Variants in BTN2A1 observed in about 807,000 individuals in gnomAD.
BTN2A1 encodes the protein butyrophilin subfamily 2 member A1.
BTN2A1 carries 41 observed loss-of-function variants against 34.5 expected under a neutral mutation model. The ratio of observed to expected loss-of-function variants is 1.19; its 90% CI spans 0.93 to 1.54. BTN2A1 has a LOEUF of 1.54. Ranked by LOEUF, BTN2A1 falls within the 40% of genes most tolerant of loss-of-function variation. The pLI, the probability that BTN2A1 is intolerant of heterozygous loss-of-function variation, is 0.00. For missense variants in BTN2A1, 642 were observed against 662.0 expected (o/e 0.97, Z 0.33); for synonymous variants, 267 against 258.6 (o/e 1.03, Z -0.31).
Position 26,468,283 on chromosome 6 carries a change from A to G in BTN2A1, c.1318A>G (p.Ile440Val). 6.2e-7 allele frequency: 1 copy of G among 1,614,080 alleles called. No homozygotes were observed. Residue 440 changes from isoleucine to valine, a missense_variant, in exon 8 of 8, where the codon ATT becomes GTT. Physicochemically the swap from Ile to Val is conservative, Grantham distance 29. Transcript: ENST00000312541. ...QYRAVSSPDR[I>V]LPLKESLCRV... ...CCGGGCCGTGTCCTCCCCTGATAGG[A>G]TTCTCCCTTTGAAGGAGTCCCTTTG...
chr6:26,465,357 G>A lies in BTN2A1; in HGVS notation c.885G>A (p.Lys295=). 1 of 1,614,100 alleles carries A rather than the reference G, an allele frequency of 6.2e-7. No homozygotes were observed. The highest frequency in any genetic ancestry group is 8.5e-7 in the Non-Finnish European group (1 of 1,179,996). Residue 295 remains lysine (K), a synonymous_variant, in exon 5 of 8, where the codon AAG becomes AAA. Coordinates refer to ENST00000312541, the MANE Select transcript of BTN2A1 (RefSeq NM_007049.5). Reference sequence around the variant, plus strand: ...GGGAAACAAGAGAAATTGCTCTAAAGGAACTGGAGAAAGAACGTGTGCAAA... The same window carrying A: ...GGGAAACAAGAGAAATTGCTCTAAAAGAACTGGAGAAAGAACGTGTGCAAA... The part of the protein sequence containing the change: ...FERETREIAL[K]ELEKERVQKE...
intron 2 of BTN2A1, 102 bp from the exon 3 acceptor site, chr6:26,459,379 C>T: frequency 4.6e-6 from 6 of 1,312,330 alleles, no homozygotes; most frequent in Non-Finnish European, 6.3e-6. Flanking sequence ...GACCCTATGG[C>T]CATGGAAAAA....
chr6:26,464,447 G>A (rs1732770464), intron 4 of BTN2A1, among the ~76,000 whole-genome samples: 1 of 152,094 alleles, frequency 6.6e-6, no homozygotes, highest in Non-Finnish European at 1.5e-5. Flanking sequence ...GAATAAAGAG[G>A]CAATGTGAGA....
At chr6:26,458,411 C>T (rs943235405) in intron 1 of BTN2A1, among the ~76,000 whole-genome samples, 196 bp from the exon 2 acceptor site, 4 of 152,118 alleles carry the variant, frequency 2.6e-5, no homozygotes, top group Non-Finnish European at 5.9e-5. Flanking sequence ...AAAAGGCCCC[C>T]TTGATCTTGG....
chr6:26,460,115 A>C (rs1459953113), intron 3 of BTN2A1, among the ~76,000 whole-genome samples: 2 of 151,570 alleles, frequency 1.3e-5, no homozygotes, highest in African/African-American at 4.8e-5. Context: ...GAAGTCTTAT[A>C]CCTGCCTTAG....
chr6:26,459,371 C>G, intron 2 of BTN2A1, 110 bp from the exon 3 acceptor site: 2 of 1,236,052 alleles, frequency 1.6e-6, no homozygotes, highest in Non-Finnish European at 2.3e-6. Flanking sequence ...CCCAAAGAGA[C>G]CCTATGGCCA....
chr6:26,475,915 TCC>T (rs1763529968), intron 7 of BTN2A1, among the ~76,000 whole-genome samples: 2 of 152,118 alleles, frequency 1.3e-5, no homozygotes, highest in Non-Finnish European at 2.9e-5. Context: ...TTTACATGAA[TCC>T]AGTGCAGGCA....
chr6:26,460,125 G>A lies in BTN2A1; in HGVS notation c.430+297G>A, dbSNP rs1296417559. On this transcript the variant is annotated intron_variant, in intron 3 of 7. Coordinates refer to ENST00000312541, the MANE Select transcript of BTN2A1 (RefSeq NM_007049.5). ...GAAGAGAAGTCTTATACCTGCCTTA[G>A]GATTGAACTGTGCACTTCTTTTGGG... Among the ~76,000 whole-genome samples the A allele has an allele frequency of 2.0e-5, 3 of 151,964 alleles. No homozygotes were observed. The East Asian group carries it at 5.8e-4, about 29-fold the overall frequency.
At chr6:26,472,054 AG>A (rs1763461782), downstream of BTN2A1, among the ~76,000 whole-genome samples, 1 of 152,242 alleles carries the variant, frequency 6.6e-6, no homozygotes, top group Non-Finnish European at 1.5e-5. Flanking sequence ...GTGGCCATCA[AG>A]GGCTGATCTG....
chr6:26,467,285 C>T (rs975937483), intron 7 of BTN2A1, among the ~76,000 whole-genome samples: 5 of 152,082 alleles, frequency 3.3e-5, no homozygotes, highest in Non-Finnish European at 4.4e-5. Flanking sequence ...AAGAAAATCC[C>T]AGAGATCATA....
At chr6:26,466,469 T>C (rs1763320745) in intron 7 of BTN2A1, among the ~76,000 whole-genome samples, 1 of 152,136 alleles carries the variant, frequency 6.6e-6, no homozygotes, top group South Asian at 2.1e-4. Flanking sequence ...TGGTGTAGAC[T>C]GTGCCAAGTT....
At chr6:26,460,903 C>T (rs775391447) in intron 3 of BTN2A1, among the ~76,000 whole-genome samples, 1 of 152,140 alleles carries the variant, frequency 6.6e-6, no homozygotes, top group Non-Finnish European at 1.5e-5. Context: ...GAGCAAGACT[C>T]TGTATCAAAA....
chr6:26,467,973 C>T lies in BTN2A1; in HGVS notation c.1008C>T (p.Thr336=), dbSNP rs116782726. ...TTGATGTGGTCCTGGATCCAGACACCGCTCATCCCGATCTCTTCCTGTCAG... is the reference window on the plus strand; with the variant it reads ...TTGATGTGGTCCTGGATCCAGACACTGCTCATCCCGATCTCTTCCTGTCAG... ...HAVDVVLDPD[T]AHPDLFLSED... is the part of the protein sequence containing the mutation. Residue 336 remains threonine, a synonymous_variant, in exon 8 of 8, where the codon ACC becomes ACT. Transcript: ENST00000312541. The T allele has an allele frequency of 4.1e-3, 6,554 of 1,613,830 alleles. 147 individuals carry two copies. In the African/African-American group the frequency reaches 0.049, roughly 12 times the overall value.
chr6:26,467,163 C>T (rs1763337104), intron 7 of BTN2A1, among the ~76,000 whole-genome samples: 1 of 152,182 alleles, frequency 6.6e-6, no homozygotes, highest in Admixed American at 6.5e-5. Context: ...ACCCTTTATC[C>T]TCCAGGACAG....
In BTN2A1 at chr6:26,459,601, G is replaced by C. The variant is rs149038955; in HGVS notation, c.203G>C (p.Arg68Pro). 2 of 1,613,946 alleles carry C rather than the reference G, an allele frequency of 1.2e-6. No individual in the cohort carries two copies. The highest frequency in any genetic ancestry group is 1.7e-5 in the Admixed American group (1 of 59,992). ...GAGGACATGGAGGTGCGGTGGTTCC[G>C]GTCTCAGTTCTCCCCCGCAGTGTTT... ...NAEDMEVRWF[R>P]SQFSPAVFVY... Residue 68 changes from arginine (R) to proline (P), a missense_variant, in exon 3 of 8, where the codon CGG becomes CCG. Arg to Pro is a moderately radical substitution (Grantham distance 103). Transcript: ENST00000312541.
chr6:26,470,706 T>C (rs930875434), downstream of BTN2A1, among the ~76,000 whole-genome samples: 6 of 152,168 alleles, frequency 3.9e-5, no homozygotes, highest in Admixed American at 6.5e-5. Context: ...CACTCTTCTC[T>C]TGCTCTTCAA....
chr6:26,467,604 G>A lies in BTN2A1; in HGVS notation c.983-344G>A, dbSNP rs185937335. ...TGGGATTACAGGCGTGAGTCACCAC[G>A]CCTGGCCAGAGATCATATGTCTTGG... On this transcript the variant is annotated intron_variant, in intron 7 of 7. Coordinates refer to ENST00000312541, the MANE Select transcript of BTN2A1 (RefSeq NM_007049.5). 2,337 of 1,168,676 alleles carry A rather than the reference G, an allele frequency of 2.0e-3. 2 individuals are homozygous for A. The highest frequency in any genetic ancestry group is 2.6e-3 in the Non-Finnish European group (2,197 of 848,452). The allele number at this position is 1,168,676 out of a possible 1,614,324, so 72.4% of individuals were successfully genotyped here. A position where few individuals can be genotyped will look rare whatever the true frequency, so the allele number is the denominator to read the frequency against.
rs762219868 is a variant in BTN2A1, at chr6:26,468,029, T to C, written c.1064T>C (p.Phe355Ser). ...EDRRSVRRCPFRHLGESVPDN... is the reference protein window; with the variant it reads ...EDRRSVRRCPSRHLGESVPDN... Reference sequence around the variant, plus strand: ...CGGAGAAGTGTGAGAAGGTGCCCCTTCAGGCACCTAGGGGAGAGCGTGCCT... The same window carrying C: ...CGGAGAAGTGTGAGAAGGTGCCCCTCCAGGCACCTAGGGGAGAGCGTGCCT... Residue 355 changes from phenylalanine (F) to serine (S), a missense_variant, in exon 8 of 8, where the codon TTC (phenylalanine) becomes TCC (serine). Coordinates refer to ENST00000312541, the MANE Select transcript of BTN2A1 (RefSeq NM_007049.5). 6.2e-7 allele frequency: 1 copy of C among 1,614,184 alleles called. No homozygotes were observed. Among genetic ancestry groups the C allele is most frequent in the Non-Finnish European group, 8.5e-7 (1 of 1,180,028 alleles).
Position 26,468,147 on chromosome 6 carries a change from C to T in BTN2A1, c.1182C>T (p.Asn394=), listed in dbSNP as rs201477758. Residue 394 remains asparagine (N), a synonymous_variant, in exon 8 of 8, where the codon AAC becomes AAT. Transcript: ENST00000312541. ...GKHYWEVEVE[N]VIEWTVGVCR... ...ATTACTGGGAGGTGGAGGTGGAAAA[C>T]GTGATTGAGTGGACTGTGGGGGTCT... is the stretch of plus-strand genomic sequence containing the variant. 208 of 1,614,080 alleles carry T rather than the reference C, an allele frequency of 1.3e-4. 2 individuals are homozygous for T. Among genetic ancestry groups the T allele is most frequent in the South Asian group, 1.0e-3 (94 of 91,072 alleles).
Sources: allele counts gnomAD v4.1 joint callset (sites outside exome capture counted in the v4.1 genomes callset), GRCh38; gene constraint gnomAD v4.1.1; transcripts MANE v1.5; gene names NCBI Gene and HGNC (gene_info 2026-07-23, HGNC 2026-07-21).